NPAS3: variants seen among roughly 807,000 people sequenced by gnomAD.
NPAS3 encodes the protein neuronal PAS domain-containing protein 3.
In NPAS3, 14 loss-of-function variants were observed where a neutral mutation model predicts 73.1. That is an observed-to-expected ratio of 0.19 (90% CI 0.13 to 0.30). The LOEUF (loss-of-function observed/expected upper bound fraction) is 0.30, where lower values mean the gene tolerates loss of function less well. NPAS3 is among the 10% of genes least tolerant of loss of function. The pLI, the probability that NPAS3 is intolerant of heterozygous loss-of-function variation, is 1.00. For synonymous variants in NPAS3, 620 were observed against 541.5 expected (o/e 1.14, Z -2.01); for missense variants, 1,096 against 1,250.0 (o/e 0.88, Z 1.86).
intron 4 of NPAS3, among the ~76,000 whole-genome samples, chr14:33,414,004 T>C (rs1334426888): frequency 6.6e-6 from 1 of 152,196 alleles, no homozygotes; most frequent in East Asian, 1.9e-4. Context: ...CCTCTTTTGA[T>C]GGTTCTTTCT....
At chr14:33,099,548 A>G (rs1445169351) in intron 2 of NPAS3, among the ~76,000 whole-genome samples, 3 of 152,190 alleles carry the variant, frequency 2.0e-5, no homozygotes, top group Non-Finnish European at 4.4e-5. Flanking sequence ...CATGCTTTGT[A>G]TAAGGTAAAC....
In NPAS3 at chr14:33,620,739, C is replaced by A. The variant is rs549381123; in HGVS notation, c.559-55472C>A. Among the ~76,000 whole-genome samples the A allele has an allele frequency of 2.1e-4, 32 of 152,038 alleles. No homozygotes were observed. In the South Asian group the frequency reaches 6.7e-3, roughly 32 times the overall value. ...TCTTAGGTTTACTTGGCATATAAATCTATTTATTTATTTATTTGGGCTACA... is the reference window on the plus strand; with the variant it reads ...TCTTAGGTTTACTTGGCATATAAATATATTTATTTATTTATTTGGGCTACA... On this transcript the variant is annotated intron_variant, in intron 5 of 11. Coordinates refer to ENST00000356141, the Ensembl canonical transcript of NPAS3.
intron 3 of NPAS3, among the ~76,000 whole-genome samples, chr14:33,328,602 C>T (rs962812097): frequency 4.6e-5 from 7 of 150,874 alleles, no homozygotes; most frequent in East Asian, 3.9e-4. Context: ...GGATTACAGG[C>T]GCCCGCCACC....
intron 4 of NPAS3, among the ~76,000 whole-genome samples, chr14:33,423,251 T>C (rs193022252): frequency 6.6e-6 from 1 of 152,166 alleles, no homozygotes; most frequent in East Asian, 1.9e-4. Flanking sequence ...GTCAAGGCTT[T>C]TTAAATTGAT....
At chr14:33,438,313 G>A (rs1393888350) in intron 4 of NPAS3, among the ~76,000 whole-genome samples, 2 of 152,194 alleles carry the variant, frequency 1.3e-5, no homozygotes, top group African/African-American at 4.8e-5. Context: ...CTGCATGTAA[G>A]CAGCTTTTCC....
chr14:33,616,307 A>G (rs1433259892), intron 5 of NPAS3, among the ~76,000 whole-genome samples: 1 of 152,162 alleles, frequency 6.6e-6, no homozygotes, highest in African/African-American at 2.4e-5. Context: ...ACAGAGTTAC[A>G]CTAGTTGCTC....
chr14:33,687,881 T>C (rs909550789), intron 6 of NPAS3, among the ~76,000 whole-genome samples: 1 of 152,164 alleles, frequency 6.6e-6, no homozygotes, highest in South Asian at 2.1e-4. Flanking sequence ...CACCTCCCAA[T>C]AGGAGTCAAA....
At chr14:33,533,830 C>T (rs189453755) in intron 4 of NPAS3, among the ~76,000 whole-genome samples, 4 of 152,046 alleles carry the variant, frequency 2.6e-5, no homozygotes, top group Non-Finnish European at 4.4e-5. Flanking sequence ...ATATGTTACA[C>T]ATCATATATA....
At chr14:33,803,590 G>C (rs1048332614), downstream of NPAS3, 1 of 151,900 alleles carries the variant, frequency 6.6e-6, no homozygotes, top group Admixed American at 6.6e-5. Flanking sequence ...AGAACAGCTA[G>C]ACAGCTGTTT....
At chr14:33,043,312 A>T (rs946575946) in intron 1 of NPAS3, among the ~76,000 whole-genome samples, 2 of 152,176 alleles carry the variant, frequency 1.3e-5, no homozygotes, top group African/African-American at 4.8e-5. Context: ...TAATTCAGTG[A>T]TACTTTATTC....
intron 6 of NPAS3, among the ~76,000 whole-genome samples, chr14:33,690,040 A>G (rs548797492): frequency 6.6e-6 from 1 of 152,268 alleles, no homozygotes; most frequent in South Asian, 2.1e-4. Flanking sequence ...TTCTCTTTTT[A>G]TCTGGCTGGG....
At chr14:33,524,304 G>A (rs762578750) in intron 4 of NPAS3, among the ~76,000 whole-genome samples, 7 of 152,054 alleles carry the variant, frequency 4.6e-5, no homozygotes, top group Admixed American at 2.6e-4. Context: ...CTATACTATC[G>A]GATTTTTAAG....
In NPAS3 at chr14:33,800,421, G is replaced by C. The variant is rs765912767; in HGVS notation, c.2114G>C (p.Gly705Ala). 6.9e-6 allele frequency: 11 copies of C among 1,595,244 alleles called. No individual in the cohort carries two copies. The African/African-American group carries it at 1.4e-4, about 20-fold the overall frequency. The stretch of plus-strand genomic sequence containing the variant: ...GGCGGCGGTGGGGGTGGCGGTGGCG[G>C]GGGGCTGCACGTGGCCATTCCCGAC... Residue 705 changes from glycine to alanine, a missense_variant, in exon 12 of 12, where the codon GGG (glycine) becomes GCG (alanine). Gly to Ala is a moderately conservative substitution (Grantham distance 60). Around this residue, in one of 5 missense-constraint regions of NPAS3, gnomAD observed 698 missense variants for 676.7 expected, o/e 1.03. Coordinates refer to ENST00000356141, the Ensembl canonical transcript of NPAS3. The surrounding 1 kb of genome is among the most constrained non-coding windows in gnomAD (Gnocchi z 6.5).
At chr14:33,227,820 A>T (rs547698829) in intron 3 of NPAS3, among the ~76,000 whole-genome samples, 5 of 152,232 alleles carry the variant, frequency 3.3e-5, no homozygotes, top group Non-Finnish European at 7.3e-5. Flanking sequence ...ATCCCAGGCT[A>T]GAGAATCCAG....
chr14:33,225,436 G>T (rs1055292752), intron 3 of NPAS3, among the ~76,000 whole-genome samples: 4 of 152,128 alleles, frequency 2.6e-5, no homozygotes, highest in Admixed American at 2.0e-4. Flanking sequence ...ACAAAACCTA[G>T]TTATAGAGTT....
intron 9 of NPAS3, among the ~76,000 whole-genome samples, chr14:33,792,255 T>A (rs1413290279): frequency 6.6e-6 from 1 of 151,750 alleles, no homozygotes; most frequent in African/African-American, 2.4e-5. Flanking sequence ...AAGGTGACAG[T>A]TCCGGGCCTT....
chr14:33,268,187 C>T (rs2040901431), intron 3 of NPAS3, among the ~76,000 whole-genome samples: 1 of 152,004 alleles, frequency 6.6e-6, no homozygotes, highest in Admixed American at 6.6e-5. Flanking sequence ...GACAAGGATG[C>T]CCAGTCCCAG....
chr14:33,340,714 T>G (rs1301977503), intron 3 of NPAS3, among the ~76,000 whole-genome samples: 1 of 152,202 alleles, frequency 6.6e-6, no homozygotes, highest in Non-Finnish European at 1.5e-5. Flanking sequence ...CTCTGTAAAA[T>G]TCTACTTTGA....
intron 5 of NPAS3, among the ~76,000 whole-genome samples, chr14:33,595,725 C>T (rs369249417): frequency 2.0e-5 from 3 of 152,144 alleles, no homozygotes; most frequent in African/African-American, 7.2e-5. Context: ...GGCTGGAGTG[C>T]AGTGGCGCGT....
Sources: allele counts gnomAD v4.1 joint callset (sites outside exome capture counted in the v4.1 genomes callset), GRCh38; gene constraint gnomAD v4.1.1; regional missense constraint gnomAD v4.1.1; non-coding constraint Gnocchi (gnomAD v3.1); transcripts MANE v1.5; gene names NCBI Gene and HGNC (gene_info 2026-07-23, HGNC 2026-07-21).